SH3RF3: variants seen among roughly 807,000 people sequenced by gnomAD.
The protein encoded by SH3RF3 is E3 ubiquitin-protein ligase SH3RF3.
In SH3RF3, 29 loss-of-function variants were observed where a neutral mutation model predicts 66.3. That is an observed-to-expected ratio of 0.44 (90% CI 0.33 to 0.60). The LOEUF (loss-of-function observed/expected upper bound fraction) is 0.60, where lower values mean the gene tolerates loss of function less well. Ranked by LOEUF, SH3RF3 falls within the 20% of genes least tolerant of loss-of-function variation. The pLI is 0.04. For missense variants in SH3RF3, 1,194 were observed against 1,190.9 expected (o/e 1.00, Z -0.04); for synonymous variants, 583 against 532.0 (o/e 1.10, Z -1.32).
intron 1 of SH3RF3, among the ~76,000 whole-genome samples, chr2:109,212,674 T>C (rs551439887): frequency 6.6e-6 from 1 of 152,332 alleles, no homozygotes; most frequent in African/African-American, 2.4e-5. Context: ...TTGTGTTAAA[T>C]GGACTCACCT....
intron 1 of SH3RF3, among the ~76,000 whole-genome samples, chr2:109,249,958 A>C (rs1304336382): frequency 1.3e-5 from 2 of 151,952 alleles, no homozygotes; most frequent in Non-Finnish European, 2.9e-5. Context: ...TGCTGGGATT[A>C]CAGGCGTGAG....
intron 1 of SH3RF3, among the ~76,000 whole-genome samples, chr2:109,281,910 A>T (rs1019449496): frequency 1.3e-5 from 2 of 152,152 alleles, no homozygotes; most frequent in African/African-American, 2.4e-5. Flanking sequence ...AGAGATGGCC[A>T]TGTGGCAGGA....
At chr2:109,216,914 C>T (rs796472706) in intron 1 of SH3RF3, among the ~76,000 whole-genome samples, 8 of 152,288 alleles carry the variant, frequency 5.3e-5, no homozygotes, top group African/African-American at 1.7e-4. Flanking sequence ...CTTCCCAAAC[C>T]GAAATTCTGT....
chr2:109,168,269 G>C (rs1374471859), intron 1 of SH3RF3, among the ~76,000 whole-genome samples: 2 of 152,214 alleles, frequency 1.3e-5, no homozygotes, highest in Non-Finnish European at 2.9e-5. Context: ...GATGGGGTCT[G>C]ACTGTTGGGA....
intron 5 of SH3RF3, among the ~76,000 whole-genome samples, chr2:109,421,745 T>A (rs540720629): frequency 3.5e-4 from 54 of 152,280 alleles, no homozygotes; most frequent in African/African-American, 9.6e-4. Context: ...CTTCTAAGGA[T>A]GACAAGGATT....
intron 3 of SH3RF3, among the ~76,000 whole-genome samples, chr2:109,397,808 G>A (rs917400818): frequency 3.9e-5 from 6 of 152,180 alleles, no homozygotes; most frequent in African/African-American, 1.2e-4. Context: ...TTTATTCCCC[G>A]GTTGCTCATG....
chr2:109,352,615 C>T (rs1249152742), intron 2 of SH3RF3, among the ~76,000 whole-genome samples: 1 of 152,268 alleles, frequency 6.6e-6, no homozygotes, highest in Non-Finnish European at 1.5e-5. Context: ...CGTTCTCTCC[C>T]TTCCTGGGCA....
intron 1 of SH3RF3, among the ~76,000 whole-genome samples, chr2:109,252,100 T>C (rs1177419222): frequency 7.3e-6 from 1 of 136,462 alleles, no homozygotes; most frequent in East Asian, 2.3e-4. Flanking sequence ...TACAAATAGC[T>C]GAGTGGGGTG....
rs541109192 is a variant in SH3RF3, at chr2:109,158,669, A to G, written c.573+28556A>G. ...CGTGAGAGCATCCCTATTTCTTCTG[A>G]TAAGAGATTTGAGGATTTCTGAGAA... On this transcript the variant is annotated intron_variant, in intron 1 of 9. Coordinates refer to ENST00000309415, the MANE Select transcript of SH3RF3 (RefSeq NM_001099289.3). Among the ~76,000 whole-genome samples, 9 of 152,296 alleles carry G rather than the reference A, an allele frequency of 5.9e-5. No homozygotes were observed. The South Asian group carries it at 6.2e-4, about 11-fold the overall frequency.
intron 1 of SH3RF3, among the ~76,000 whole-genome samples, chr2:109,192,101 T>G (rs1345656645): frequency 6.6e-6 from 1 of 152,172 alleles, no homozygotes; most frequent in East Asian, 1.9e-4. Context: ...AAGTCAACTT[T>G]GGTTAATTTT....
chr2:109,327,460 C>T (rs937710944), intron 1 of SH3RF3, among the ~76,000 whole-genome samples: 1 of 151,934 alleles, frequency 6.6e-6, no homozygotes, highest in Non-Finnish European at 1.5e-5. Flanking sequence ...CAAGGACTTT[C>T]ACTCTTCCAC....
intron 1 of SH3RF3, among the ~76,000 whole-genome samples, chr2:109,290,224 A>G (rs999434443): frequency 6.6e-6 from 1 of 152,232 alleles, no homozygotes; most frequent in African/African-American, 2.4e-5. Context: ...CTTCAGACAC[A>G]TCACATCATT....
chr2:109,498,253 A>G (rs1679302665), intron 9 of SH3RF3, among the ~76,000 whole-genome samples: 1 of 152,156 alleles, frequency 6.6e-6, no homozygotes, highest in African/African-American at 2.4e-5. Context: ...GCTCTGAGAC[A>G]CTTAGAGTTG....
intron 9 of SH3RF3, 110 bp downstream of exon 9, chr2:109,491,046 C>T: frequency 2.8e-6 from 3 of 1,063,738 alleles, no homozygotes; most frequent in Non-Finnish European, 3.8e-6. Flanking sequence ...TTAGGTTTAC[C>T]AGATGTACCT....
At chr2:109,307,308 C>T (rs989341735) in intron 1 of SH3RF3, among the ~76,000 whole-genome samples, 3 of 152,164 alleles carry the variant, frequency 2.0e-5, no homozygotes, top group Non-Finnish European at 4.4e-5. Context: ...TGAAGATGTT[C>T]TGCTAGGATG....
chr2:109,462,302 A>AAG (rs1441003863), intron 8 of SH3RF3, among the ~76,000 whole-genome samples: 2 of 151,870 alleles, frequency 1.3e-5, no homozygotes, highest in Non-Finnish European at 2.9e-5. Context: ...TGCTGAAAGC[A>AAG]AACTGCTTCA....
At chr2:109,473,125 C>T (rs993086703) in intron 8 of SH3RF3, among the ~76,000 whole-genome samples, 2 of 152,248 alleles carry the variant, frequency 1.3e-5, no homozygotes, top group Admixed American at 1.3e-4. Flanking sequence ...AATCGCCCCT[C>T]ATTTAACAGC....
intron 1 of SH3RF3, among the ~76,000 whole-genome samples, chr2:109,269,110 G>C (rs1574541065): frequency 1.3e-5 from 2 of 152,226 alleles, no homozygotes. Flanking sequence ...GCCGCACGTG[G>C]ATTTTGTGCT....
At chr2:109,415,771 G>A (rs868096292) in intron 4 of SH3RF3, among the ~76,000 whole-genome samples, 1 of 152,136 alleles carries the variant, frequency 6.6e-6, no homozygotes, top group Non-Finnish European at 1.5e-5. Flanking sequence ...GCCAGCCTGG[G>A]CTCCTCTAGG....
Sources: gnomAD v4.1 joint callset for allele counts (sites outside exome capture counted in the v4.1 genomes callset) on GRCh38, gnomAD v4.1.1 for gene constraint, MANE v1.5 for transcripts, NCBI Gene and HGNC (gene_info 2026-07-23, HGNC 2026-07-21) for gene names.